The following CEP120 variants were observed in gnomAD, a reference collection of about 807,000 sequenced individuals.
The protein encoded by CEP120 is centrosomal protein 120, also known as centrosomal protein of 120 kDa.
Under a neutral mutation model 126.5 loss-of-function variants are expected in CEP120, and 113 were observed. The ratio of observed to expected loss-of-function variants is 0.89; its 90% confidence interval spans 0.77 to 1.04. CEP120 has a LOEUF of 1.04. CEP120 is among the 50% of genes least tolerant of loss of function. The pLI is 0.00. For missense variants in CEP120, 1,230 were observed against 1,155.7 expected, an observed-to-expected ratio of 1.06 and a Z score of -0.93; for synonymous variants, 400 against 394.3, an observed-to-expected ratio of 1.01 and a Z score of -0.17.
At position 123,411,705 on chromosome 5, in the gene CEP120, G is replaced by A. The variant is rs114674937; in HGVS notation, c.463+694C>T. On this transcript the variant is annotated intron_variant, in intron 4 of 19. Transcript: ENST00000306467. The stretch of plus-strand genomic sequence containing the variant: ...GGATGGGAGGAGGGAGGAATGAATA[G>A]GTGGAGCACAGATGATTTTTAGGGT... Among the ~76,000 whole-genome samples, 174 of 152,296 alleles carry A rather than the reference G, an allele frequency of 1.1e-3. 1 individual carries two copies. The highest frequency in any genetic ancestry group is 4.0e-3 in the African/African-American group (165 of 41,572).
At position 123,395,658 on chromosome 5, in the gene CEP120, T is replaced by C. The variant is rs1015115540; in HGVS notation, c.613-2161A>G. On this transcript the variant is annotated intron_variant, in intron 5 of 19. Transcript: ENST00000306467. ...ATGTTTCCACCATTCCTTTATGTTGTGGCATGTATCAGTACTTCATTCCTT... is the reference window on the plus strand; with the variant it reads ...ATGTTTCCACCATTCCTTTATGTTGCGGCATGTATCAGTACTTCATTCCTT... Among the ~76,000 whole-genome samples, 3 of 151,538 alleles carry C rather than the reference T, an allele frequency of 2.0e-5. No homozygotes were observed. The South Asian group carries it at 6.3e-4, about 32-fold the overall frequency.
At chr5:123,358,856 C>T (rs535125246) in intron 18 of CEP120, among the ~76,000 whole-genome samples, 10 of 152,050 alleles carry the variant, frequency 6.6e-5, no homozygotes, top group South Asian at 4.1e-4. Flanking sequence ...GACTAAACAG[C>T]GGCTAAAAAG....
At chr5:123,402,499 C>T (rs1476092889) in intron 4 of CEP120, among the ~76,000 whole-genome samples, 1 of 151,972 alleles carries the variant, frequency 6.6e-6, no homozygotes, top group Non-Finnish European at 1.5e-5. Context: ...CAACCTCTGC[C>T]CCCCCGGATT....
At chr5:123,389,855 A>G (rs915684677) in intron 8 of CEP120, 69 bp downstream of exon 8, 8 of 1,356,594 alleles carry the variant, frequency 5.9e-6, no homozygotes, top group Non-Finnish European at 8.3e-6. Context: ...AAGTTCTCAT[A>G]GTCATTTTTT....
chr5:123,383,354 T>C (rs1159262758), intron 11 of CEP120, among the ~76,000 whole-genome samples: 2 of 152,138 alleles, frequency 1.3e-5, no homozygotes, highest in South Asian at 4.1e-4. Context: ...AAATTTAAAA[T>C]CTTACTGCCC....
At chr5:123,361,951 A>T in intron 18 of CEP120, among the ~76,000 whole-genome samples, 1 of 151,728 alleles carries the variant, frequency 6.6e-6, no homozygotes, top group East Asian at 1.9e-4. Context: ...ACCAAAATTC[A>T]ACCTAGCTCT....
At chr5:123,402,149 C>T (rs4835798) in intron 4 of CEP120, 62,425 of 1,583,028 alleles carry the variant, frequency 0.039, 1,996 homozygotes, top group South Asian at 0.1. Context: ...TGACTGTGAC[C>T]GCGGTGATGC....
chr5:123,346,411 A>T lies in CEP120; in HGVS notation c.*108T>A. 1.2e-6 allele frequency: 1 copy of T among 838,870 alleles called. No homozygotes were observed. Among genetic ancestry groups the T allele is most frequent in the African/African-American group, 1.7e-5 (1 of 58,178 alleles). 52.0% of individuals were successfully genotyped at this position (838,870 alleles called of 1,614,324 possible). On this transcript the variant is annotated 3_prime_UTR_variant, in exon 20 of 20. Coordinates refer to ENST00000306467, the MANE Select transcript of CEP120 (RefSeq NM_001375405.1). ...AATAACATACAAAATTTTGCTTATA[A>T]AAAATTGAAAATACCATTTTAAAAC... is the stretch of plus-strand genomic sequence containing the variant.
intron 19 of CEP120, 49 bp downstream of exon 19, chr5:123,349,895 C>T: frequency 1.3e-6 from 2 of 1,555,112 alleles, no homozygotes; most frequent in Non-Finnish European, 1.8e-6. Flanking sequence ...GTTGTACCTT[C>T]CCTGAACCAA....
intron 4 of CEP120, chr5:123,402,450 T>G: frequency 2.3e-6 from 2 of 866,860 alleles, no homozygotes; most frequent in Non-Finnish European, 3.2e-6. Context: ...GACAGAGTCT[T>G]GCTCTGTCAC....
chr5:123,402,784 C>T (rs1457230263), intron 4 of CEP120, among the ~76,000 whole-genome samples: 1 of 152,168 alleles, frequency 6.6e-6, no homozygotes. Flanking sequence ...CCCTCCAAAA[C>T]TCAGGTGTTG....
chr5:123,355,033 G>A (rs924870852), intron 18 of CEP120, among the ~76,000 whole-genome samples: 2 of 151,738 alleles, frequency 1.3e-5, no homozygotes, highest in African/African-American at 4.9e-5. Flanking sequence ...AGAACATGCG[G>A]TGTTTGGTTT....
intron 19 of CEP120, among the ~76,000 whole-genome samples, chr5:123,347,051 C>T (rs943482745): frequency 2.0e-5 from 3 of 152,046 alleles, no homozygotes; most frequent in African/African-American, 7.2e-5. Flanking sequence ...CAATAAAAAT[C>T]ATCTGTAATG....
intron 5 of CEP120, 85 bp from the exon 6 acceptor site, chr5:123,393,582 T>C: frequency 8.6e-7 from 1 of 1,160,474 alleles, no homozygotes; most frequent in Non-Finnish European, 1.2e-6. Context: ...CCAAAAACAT[T>C]TGCTAAAATG....
intron 5 of CEP120, among the ~76,000 whole-genome samples, chr5:123,394,308 C>T (rs1477681541): frequency 2.6e-5 from 4 of 152,154 alleles, no homozygotes; most frequent in African/African-American, 9.7e-5. Context: ...ACAATTCTTC[C>T]ACAAACAGGA....
intron 7 of CEP120, 111 bp from the exon 8 acceptor site, chr5:123,390,251 T>C: frequency 2.4e-6 from 2 of 840,076 alleles, no homozygotes; most frequent in Non-Finnish European, 3.9e-6. Context: ...CCAGTTTGGA[T>C]ATTCCTAGTC....
At chr5:123,364,459 A>G in intron 18 of CEP120, 37 bp downstream of exon 18, 2 of 1,387,116 alleles carry the variant, frequency 1.4e-6, no homozygotes, top group Non-Finnish European at 2.0e-6. Flanking sequence ...GAAACAAGGG[A>G]AAAAGATATA....
intron 1 of CEP120, among the ~76,000 whole-genome samples, chr5:123,419,574 CT>C (rs1376774062): frequency 6.7e-6 from 1 of 149,396 alleles, no homozygotes; most frequent in Non-Finnish European, 1.5e-5. Context: ...AAACAGAATA[CT>C]TTCCAAATTA....
intron 16 of CEP120, among the ~76,000 whole-genome samples, chr5:123,374,510 A>G (rs1410865837): frequency 6.6e-6 from 1 of 152,154 alleles, no homozygotes; most frequent in Non-Finnish European, 1.5e-5. Flanking sequence ...AAAGATTGCT[A>G]AAGATGTTTT....
Sources: allele counts gnomAD v4.1 joint callset (sites outside exome capture counted in the v4.1 genomes callset), GRCh38; gene constraint gnomAD v4.1.1; transcripts MANE v1.5; gene names NCBI Gene and HGNC (gene_info 2026-07-23, HGNC 2026-07-21).